The following SHANK2 variants were observed in gnomAD, a reference collection of about 807,000 sequenced individuals.
The protein encoded by SHANK2 is SH3 and multiple ankyrin repeat domains protein 2.
In SHANK2, 43 loss-of-function variants were observed where a neutral mutation model predicts 133.7. The observed-to-expected ratio is 0.32, with a 90% CI of 0.25 to 0.41. The LOEUF is 0.41. Ranked by LOEUF, SHANK2 falls within the 10% of genes least tolerant of loss-of-function variation. The pLI is 1.00. For missense variants in SHANK2, 1,994 were observed against 2,235.8 expected (o/e 0.89, Z 2.18); for synonymous variants, 1,017 against 952.8 (o/e 1.07, Z -1.24).
chr11:71,205,786 G>T lies in SHANK2; in HGVS notation c.-13+18911C>A, dbSNP rs566822348. ...TTTATCCACTTGTTGGTGGCAGGGGGGTGGCAGAGTCCACAGGGTCACTGT... is the reference window on the plus strand; with the variant it reads ...TTTATCCACTTGTTGGTGGCAGGGGTGTGGCAGAGTCCACAGGGTCACTGT... On this transcript the variant is annotated intron_variant, in intron 2 of 25. Transcript: ENST00000601538. 3.7e-3 allele frequency among the ~76,000 whole-genome samples: 557 copies of T among 152,266 alleles called. 7 individuals carry two copies. The highest frequency in any genetic ancestry group is 0.013 in the African/African-American group (531 of 41,566).
Position 71,233,551 on chromosome 11 carries a change from G to A in SHANK2, c.-112-8755C>T, listed in dbSNP as rs75376539. On this transcript the variant is annotated intron_variant, in intron 1 of 25. Coordinates refer to ENST00000601538, the MANE Select transcript of SHANK2 (RefSeq NM_012309.5). ...ATAAACATGTTCCTAAATCGACTCC[G>A]ATGGTTGCACAATCTCCCTAATTTA... Among the ~76,000 whole-genome samples the A allele has an allele frequency of 9.2e-3, 1,399 of 152,266 alleles. 22 individuals carry two copies. Among genetic ancestry groups the A allele is most frequent in the African/African-American group, 0.032 (1,331 of 41,540 alleles).
intron 1 of SHANK2, among the ~76,000 whole-genome samples, chr11:71,245,287 G>C (rs901914387): frequency 1.8e-4 from 28 of 152,152 alleles, no homozygotes; most frequent in African/African-American, 5.8e-4. Context: ...GCCTCACCAA[G>C]TGTTTTTCTT....
At chr11:70,555,997 A>G (rs531634525) in intron 17 of SHANK2, among the ~76,000 whole-genome samples, 1 of 152,366 alleles carries the variant, frequency 6.6e-6, no homozygotes, top group African/African-American at 2.4e-5. Flanking sequence ...AGCCATATCC[A>G]TAAAATAAAA....
chr11:71,088,419 C>T (rs910382464), intron 8 of SHANK2, among the ~76,000 whole-genome samples: 1 of 152,168 alleles, frequency 6.6e-6, no homozygotes, highest in Admixed American at 6.5e-5. Context: ...TGTCATCCAG[C>T]GACATCAAAT....
At position 70,707,294 on chromosome 11, in the gene SHANK2, C is replaced by T. The variant is rs183302712; in HGVS notation, c.1778-8531G>A. On this transcript the variant is annotated intron_variant, in intron 14 of 25. Transcript: ENST00000601538. The stretch of plus-strand genomic sequence containing the variant: ...GGCTGAGGCAGGAGAATCGCCTGAA[C>T]CCGAGAGGTGGAGGTTGCAGTGAGC... Among the ~76,000 whole-genome samples the T allele has an allele frequency of 1.5e-3, 218 of 149,328 alleles. 1 individual carries two copies. Among genetic ancestry groups the T allele is most frequent in the African/African-American group, 5.3e-3 (216 of 40,682 alleles).
intron 17 of SHANK2, among the ~76,000 whole-genome samples, chr11:70,603,124 G>A (rs2060523233): frequency 6.6e-6 from 1 of 152,228 alleles, no homozygotes; most frequent in African/African-American, 2.4e-5. Context: ...CGGTGGTGGG[G>A]GACCCCTCAC....
intron 1 of SHANK2, among the ~76,000 whole-genome samples, chr11:71,249,881 A>C (rs1948149056): frequency 6.6e-6 from 1 of 152,114 alleles, no homozygotes; most frequent in Non-Finnish European, 1.5e-5. Flanking sequence ...GCGGTCTCAG[A>C]ATCCCTTTAC....
At chr11:70,943,869 G>C (rs2135857106) in intron 10 of SHANK2, 1 of 455,258 alleles carries the variant, frequency 2.2e-6, no homozygotes, top group Non-Finnish European at 4.4e-6. Flanking sequence ...TGCTTTTTCA[G>C]GTGCTTGCTG....
At position 71,110,062 on chromosome 11, in the gene SHANK2, A is replaced by G. The variant is rs1215983010; in HGVS notation, c.484-13T>C. 6.6e-7 allele frequency: 1 copy of G among 1,512,610 alleles called. No individual in the cohort carries two copies. Among genetic ancestry groups the G allele is most frequent in the Non-Finnish European group, 9.0e-7 (1 of 1,111,652 alleles). The allele number at this position is 1,512,610 out of a possible 1,614,324, so 93.7% of individuals were successfully genotyped here. On this transcript the variant is annotated splice_polypyrimidine_tract_variant and intron_variant, in intron 5 of 25. Transcript: ENST00000601538. ...TCTTCAGATTGGTCTAGAAGGAAAA[A>G]CAATACAATTGAAACATCTTTATAA...
At chr11:71,115,579 C>G (rs367958879) in intron 4 of SHANK2, among the ~76,000 whole-genome samples, 1 of 152,232 alleles carries the variant, frequency 6.6e-6, no homozygotes, top group Non-Finnish European at 1.5e-5. Flanking sequence ...AGGCTCACAA[C>G]GCACACACTG....
At chr11:70,790,036 T>C (rs567588519) in intron 14 of SHANK2, among the ~76,000 whole-genome samples, 1 of 152,378 alleles carries the variant, frequency 6.6e-6, no homozygotes, top group East Asian at 1.9e-4. Flanking sequence ...CACACGTGCA[T>C]TGCATTCATT....
chr11:71,178,461 A>T lies in SHANK2; in HGVS notation c.-12-31123T>A, dbSNP rs374532110. On this transcript the variant is annotated intron_variant, in intron 2 of 25. Transcript: ENST00000601538. ...AGGAACTATTGTTTAATGGGCACAGAGATTTTGTGAAAAATGACAAAAGAA... is the reference window on the plus strand; with the variant it reads ...AGGAACTATTGTTTAATGGGCACAGTGATTTTGTGAAAAATGACAAAAGAA... 4.3e-4 allele frequency among the ~76,000 whole-genome samples: 65 copies of T among 152,358 alleles called. No individual in the cohort carries two copies. The South Asian group carries it at 0.013, about 31-fold the overall frequency.
chr11:71,151,902 G>A (rs1313169593), intron 2 of SHANK2, among the ~76,000 whole-genome samples: 2 of 152,116 alleles, frequency 1.3e-5, no homozygotes, highest in African/African-American at 2.4e-5. Context: ...CAGGGCTCCC[G>A]ATCGCAGACG....
In SHANK2 at chr11:70,935,986, C is replaced by T. The variant is rs75542019; in HGVS notation, c.1108-39419G>A. ...TTTCCCCTACCTGTCCCTGCTGCACCGGCTGAAGTGAGCACCATTCCTGGA... is the reference window on the plus strand; with the variant it reads ...TTTCCCCTACCTGTCCCTGCTGCACTGGCTGAAGTGAGCACCATTCCTGGA... On this transcript the variant is annotated intron_variant, in intron 10 of 25. Transcript: ENST00000601538. 5.3e-3 allele frequency among the ~76,000 whole-genome samples: 814 copies of T among 152,294 alleles called. 10 individuals are homozygous for T. The highest frequency in any genetic ancestry group is 0.018 in the African/African-American group (762 of 41,570).
chr11:70,487,715 T>C lies in SHANK2; in HGVS notation c.2578A>G (p.Thr860Ala). ...GCCAGAAACTGCCGCTCTTCCTCTGTTATTCCTACAAGCAGAAAACAGGTT... is the reference window on the plus strand; with the variant it reads ...GCCAGAAACTGCCGCTCTTCCTCTGCTATTCCTACAAGCAGAAAACAGGTT... ...IDSRIFLSGI[T>A]EEERQFLAPP... The change falls in exon 25 of 26, where the codon ACA (threonine) becomes GCA (alanine). Residue 860 changes from threonine to alanine, a missense_variant. Coordinates refer to ENST00000601538, the MANE Select transcript of SHANK2 (RefSeq NM_012309.5). The surrounding 1 kb of genome is among the most constrained non-coding windows in gnomAD (Gnocchi z 5.8). The C allele has an allele frequency of 6.4e-7, 1 of 1,558,472 alleles. No homozygotes were observed. The highest frequency in any genetic ancestry group is 8.7e-7 in the Non-Finnish European group (1 of 1,150,964).
intron 14 of SHANK2, among the ~76,000 whole-genome samples, chr11:70,728,811 G>A (rs571497273): frequency 6.6e-6 from 1 of 152,188 alleles, no homozygotes; most frequent in African/African-American, 2.4e-5. Flanking sequence ...CTCTGATCAC[G>A]TAAGGAGGCC....
At chr11:70,903,267 C>G (rs1471493053) in intron 10 of SHANK2, among the ~76,000 whole-genome samples, 1 of 152,016 alleles carries the variant, frequency 6.6e-6, no homozygotes, top group Admixed American at 6.6e-5. Flanking sequence ...ATCCCAGCTA[C>G]TCGGGAGTCC....
chr11:70,749,909 G>A lies in SHANK2; in HGVS notation c.1777+48534C>T, dbSNP rs115778224. Among the ~76,000 whole-genome samples the A allele has an allele frequency of 5.3e-3, 803 of 152,218 alleles. 8 individuals carry two copies. Among genetic ancestry groups the A allele is most frequent in the African/African-American group, 0.018 (757 of 41,546 alleles). On this transcript the variant is annotated intron_variant, in intron 14 of 25. Transcript: ENST00000601538. ...TTGGATAATCACAGTCACAGAGAACGAGGCAGAAAAAAGTATTTTAAGAAA... is the reference window on the plus strand; with the variant it reads ...TTGGATAATCACAGTCACAGAGAACAAGGCAGAAAAAAGTATTTTAAGAAA...
At chr11:70,759,017 G>C (rs556673814) in intron 14 of SHANK2, among the ~76,000 whole-genome samples, 1 of 152,126 alleles carries the variant, frequency 6.6e-6, no homozygotes, top group South Asian at 2.1e-4. Flanking sequence ...AAATTAGCCA[G>C]GCGTGGTGGT....
Sources: allele counts gnomAD v4.1 joint callset (sites outside exome capture counted in the v4.1 genomes callset), GRCh38; gene constraint gnomAD v4.1.1; non-coding constraint Gnocchi (gnomAD v3.1); transcripts MANE v1.5; gene names NCBI Gene and HGNC (gene_info 2026-07-23, HGNC 2026-07-21).